STX6: variants seen among roughly 807,000 people sequenced by gnomAD.
The protein encoded by STX6 is syntaxin 6.
A neutral mutation model predicts 38.0 loss-of-function variants in STX6; 23 were observed. The ratio of observed to expected loss-of-function variants is 0.60; its 90% confidence interval spans 0.43 to 0.86. The LOEUF (loss-of-function observed/expected upper bound fraction) is 0.86, where lower values mean the gene tolerates loss of function less well. Among genes scored for constraint, STX6 ranks in the 40% least tolerant of loss-of-function variants. The probability of loss-of-function intolerance (pLI) is 0.00; values close to 1 mark genes in which losing one functional copy is unlikely to be tolerated. For synonymous variants in STX6, 123 were observed against 107.5 expected (o/e 1.14, Z -0.89); for missense variants, 274 against 312.9 (o/e 0.88, Z 0.94).
intron 7 of STX6, among the ~76,000 whole-genome samples, chr1:180,981,936 T>C (rs558632119): frequency 4.0e-4 from 61 of 152,334 alleles, no homozygotes; most frequent in Middle Eastern, 3.4e-3. Flanking sequence ...TGGTAGTTTT[T>C]TCTCTCTCTC....
chr1:180,984,510 C>T (rs1438590280), intron 7 of STX6, among the ~76,000 whole-genome samples, 167 bp downstream of exon 7: 1 of 152,104 alleles, frequency 6.6e-6, no homozygotes. Context: ...GATGGCACCA[C>T]TGCACTCCAG....
At chr1:181,002,473 G>T (rs1361431211) in intron 3 of STX6, 133 bp downstream of exon 3, 1 of 582,172 alleles carries the variant, frequency 1.7e-6, no homozygotes, top group East Asian at 3.2e-5. Flanking sequence ...AATTATATAT[G>T]GGGAAGCTCA....
intron 3 of STX6, among the ~76,000 whole-genome samples, chr1:180,994,940 C>T (rs1031906880): frequency 5.2e-5 from 6 of 114,358 alleles, no homozygotes; most frequent in African/African-American, 1.9e-4. Context: ...ATATGCACAA[C>T]CATATGTATC....
chr1:181,016,841 C>G (rs1420349111), intron 1 of STX6, among the ~76,000 whole-genome samples: 2 of 152,096 alleles, frequency 1.3e-5, no homozygotes, highest in Non-Finnish European at 2.9e-5. Context: ...AATCCAAGCA[C>G]TTTGGGAGGC....
At chr1:181,001,544 G>A (rs1043805680) in intron 3 of STX6, among the ~76,000 whole-genome samples, 2 of 152,086 alleles carry the variant, frequency 1.3e-5, no homozygotes, top group African/African-American at 2.4e-5. Flanking sequence ...GATAACTCTG[G>A]AACGGCTGTC....
intron 1 of STX6, among the ~76,000 whole-genome samples, chr1:181,011,197 T>C (rs923086066): frequency 1.3e-5 from 2 of 152,224 alleles, no homozygotes; most frequent in Non-Finnish European, 2.9e-5. Context: ...AAAGGTAAAC[T>C]AGTCGTTATT....
chr1:181,002,184 A>AT (rs1656100401), intron 3 of STX6, among the ~76,000 whole-genome samples: 1 of 151,390 alleles, frequency 6.6e-6, no homozygotes, highest in African/African-American at 2.5e-5. Flanking sequence ...CAATCACGGA[A>AT]ATTTTTTTTT....
chr1:180,979,360 A>G (rs1001105953), intron 7 of STX6, among the ~76,000 whole-genome samples: 2 of 152,256 alleles, frequency 1.3e-5, no homozygotes, highest in African/African-American at 2.4e-5. Context: ...AAGCAGATCA[A>G]TGGAACAGAC....
chr1:180,995,074 T>C (rs532880638), intron 3 of STX6, among the ~76,000 whole-genome samples: 2 of 152,126 alleles, frequency 1.3e-5, no homozygotes, highest in East Asian at 3.9e-4. Flanking sequence ...GTGATTCTCC[T>C]GCCTCAGCCT....
chr1:180,979,817 G>C (rs540800516), intron 7 of STX6, among the ~76,000 whole-genome samples: 2 of 151,904 alleles, frequency 1.3e-5, no homozygotes, highest in South Asian at 4.2e-4. Flanking sequence ...CTGTTGTCCA[G>C]AATGTATTAT....
Position 180,975,405 on chromosome 1 carries a change from T to C in STX6, c.*1165A>G, listed in dbSNP as rs1330629930. Reference sequence around the variant, plus strand: ...AGCAGTTTCAGCTACTTAAACTCAATTAAAGCATCTATCATTTAAATTTGG... The same window carrying C: ...AGCAGTTTCAGCTACTTAAACTCAACTAAAGCATCTATCATTTAAATTTGG... On this transcript the variant is annotated 3_prime_UTR_variant, in exon 8 of 8. Coordinates refer to ENST00000258301, the MANE Select transcript of STX6 (RefSeq NM_005819.6). 1 of 152,460 alleles carries C rather than the reference T, an allele frequency of 6.6e-6. No individual in the cohort carries two copies. The highest frequency in any genetic ancestry group is 1.5e-5 in the Non-Finnish European group (1 of 68,004). 9.4% of individuals were successfully genotyped at this position (152,460 alleles called of 1,614,324 possible).
intron 5 of STX6, 57 bp downstream of exon 5, chr1:180,989,927 C>A: frequency 6.2e-7 from 1 of 1,605,174 alleles, no homozygotes; most frequent in Non-Finnish European, 8.5e-7. Flanking sequence ...GGCAAAGGAA[C>A]TAAGGGGGTG....
At chr1:180,996,166 G>A (rs995902827) in intron 3 of STX6, among the ~76,000 whole-genome samples, 1 of 151,850 alleles carries the variant, frequency 6.6e-6, no homozygotes, top group Non-Finnish European at 1.5e-5. Context: ...CCACTAACAG[G>A]AATTTATTTT....
At chr1:180,981,775 A>C (rs748666631) in intron 7 of STX6, among the ~76,000 whole-genome samples, 53 of 152,344 alleles carry the variant, frequency 3.5e-4, no homozygotes, top group South Asian at 8.3e-4. Flanking sequence ...TTACCCCAGC[A>C]GACTTCTCAG....
chr1:181,019,489 C>A (rs1656664313), intron 1 of STX6, among the ~76,000 whole-genome samples: 2 of 152,140 alleles, frequency 1.3e-5, no homozygotes, highest in South Asian at 4.1e-4. Context: ...TACACTGACT[C>A]CAGAAAGCTG....
intron 4 of STX6, 141 bp from the exon 5 acceptor site, chr1:180,990,250 A>G: frequency 3.8e-6 from 4 of 1,061,146 alleles, no homozygotes; most frequent in Non-Finnish European, 2.7e-6. Flanking sequence ...GTAGTGGTGT[A>G]GGTTGGTGCC....
intron 2 of STX6, among the ~76,000 whole-genome samples, chr1:181,004,856 G>C (rs1479558416): frequency 1.3e-5 from 2 of 151,800 alleles, no homozygotes; most frequent in African/African-American, 4.8e-5. Context: ...AGTCTTGTGG[G>C]ACTGAGCTCT....
rs1191177911 is a variant in STX6 at position 180,975,479 on chromosome 1, A to AG, written c.*1090dup. 3 of 152,756 alleles carry AG rather than the reference A, an allele frequency of 2.0e-5. No individual in the cohort carries two copies. The highest frequency in any genetic ancestry group is 2.1e-4 in the South Asian group (1 of 4,832). The allele number at this position is 152,756 out of a possible 1,614,324, so 9.5% of individuals were successfully genotyped here. Reference sequence around the variant, plus strand: ...GATGATAAAATCAAGCTGTCATCTTAGGGAAAAAAAAGAACCAAGTTTACC... The same window carrying AG: ...GATGATAAAATCAAGCTGTCATCTTAGGGGAAAAAAAAGAACCAAGTTTACC... On this transcript the variant is annotated 3_prime_UTR_variant, in exon 8 of 8. Transcript: ENST00000258301.
rs1490940969 is a variant in STX6 at position 180,973,256 on chromosome 1, A to G, written c.*3314T>C. On this transcript the variant is annotated 3_prime_UTR_variant, in exon 8 of 8. Transcript: ENST00000258301. ...AGTACAAGGTGAAGCCAAATGGTAC[A>G]AAGTCCACAGAATTGAAAAGCCATT... 1 of 152,260 alleles carries G rather than the reference A, an allele frequency of 6.6e-6. No individual in the cohort carries two copies. Among genetic ancestry groups the G allele is most frequent in the Non-Finnish European group, 1.5e-5 (1 of 68,052 alleles). 9.4% of individuals were successfully genotyped at this position (152,260 alleles called of 1,614,324 possible). A position where few individuals can be genotyped will look rare whatever the true frequency, so the allele number is the denominator to read the frequency against.
Sources: allele counts gnomAD v4.1 joint callset (sites outside exome capture counted in the v4.1 genomes callset), GRCh38; gene constraint gnomAD v4.1.1; transcripts MANE v1.5; gene names NCBI Gene and HGNC (gene_info 2026-07-23, HGNC 2026-07-21).